Variants in SORCS3 observed in about 807,000 individuals in gnomAD.
SORCS3 encodes VPS10 domain-containing receptor SorCS3.
In SORCS3, 57 loss-of-function variants were observed where a neutral mutation model predicts 146.3. The ratio of observed to expected loss-of-function variants is 0.39; its 90% CI spans 0.31 to 0.49. The LOEUF is 0.49. SORCS3 is among the 20% of genes least tolerant of loss of function. The pLI is 0.92. For synonymous variants in SORCS3, 653 were observed against 618.5 expected, an observed-to-expected ratio of 1.06 and a Z score of -0.83; for missense variants, 1,341 against 1,575.5, an observed-to-expected ratio of 0.85 and a Z score of 2.52.
At position 104,915,835 on chromosome 10, in the gene SORCS3, C is replaced by G; in HGVS notation, c.698C>G (p.Ser233Trp). The change falls in exon 3 of 27, where the codon TCG becomes TGG. Residue 233 changes from serine (S) to tryptophan (W), a missense_variant and splice_region_variant. Transcript: ENST00000369701. The stretch of plus-strand genomic sequence containing the variant: ...TCTGTTTTCTCTTTTACCTGCAGGT[C>G]GACAGATTATGGCACCACCTATGAA... ...GSVTESSLWRSTDYGTTYEKL... is the reference protein window; with the variant it reads ...GSVTESSLWRWTDYGTTYEKL... 10 of 1,613,746 alleles carry G rather than the reference C, an allele frequency of 6.2e-6. No individual in the cohort carries two copies. Among genetic ancestry groups the G allele is most frequent in the Non-Finnish European group, 8.5e-6 (10 of 1,179,760 alleles).
intron 4 of SORCS3, among the ~76,000 whole-genome samples, chr10:105,012,246 T>A (rs900793526): frequency 6.6e-6 from 1 of 152,166 alleles, no homozygotes; most frequent in African/African-American, 2.4e-5. Flanking sequence ...CCCTGGTTCA[T>A]CTGAGTTCTT....
At chr10:104,955,152 T>A (rs967640048) in intron 3 of SORCS3, among the ~76,000 whole-genome samples, 1 of 151,400 alleles carries the variant, frequency 6.6e-6, no homozygotes, top group African/African-American at 2.4e-5. Flanking sequence ...AGAAGCCCTG[T>A]GACCATTAAG....
At chr10:104,892,963 C>T (rs1305864311) in intron 2 of SORCS3, among the ~76,000 whole-genome samples, 2 of 152,140 alleles carry the variant, frequency 1.3e-5, no homozygotes. Context: ...ATTCTCACTG[C>T]AAAGCTCTTT....
At chr10:105,180,400 A>G (rs1039967605) in intron 14 of SORCS3, among the ~76,000 whole-genome samples, 15 of 152,340 alleles carry the variant, frequency 9.8e-5, no homozygotes, top group Middle Eastern at 3.4e-3. Flanking sequence ...AAGGATTGGC[A>G]TGTTGTAGGA....
intron 1 of SORCS3, among the ~76,000 whole-genome samples, chr10:104,674,932 T>C (rs2015897100): frequency 6.6e-6 from 1 of 152,246 alleles, no homozygotes; most frequent in African/African-American, 2.4e-5. Context: ...TTTTTGGCTA[T>C]ATGAACATTC....
At chr10:104,826,201 A>C (rs1226012061) in intron 1 of SORCS3, among the ~76,000 whole-genome samples, 1 of 152,168 alleles carries the variant, frequency 6.6e-6, no homozygotes, top group Non-Finnish European at 1.5e-5. Flanking sequence ...TGTAATACAC[A>C]TCAAGCATCA....
chr10:105,262,883 C>T (rs1457752252), intron 26 of SORCS3, among the ~76,000 whole-genome samples: 1 of 152,192 alleles, frequency 6.6e-6, no homozygotes, highest in African/African-American at 2.4e-5. Context: ...TGTGACCTCT[C>T]TGTGCCTCAA....
chr10:104,679,304 C>A (rs1176444299), intron 1 of SORCS3, among the ~76,000 whole-genome samples: 1 of 152,052 alleles, frequency 6.6e-6, no homozygotes, highest in East Asian at 1.9e-4. Context: ...TTGTAGTGGC[C>A]CAGGTAGACC....
intron 1 of SORCS3, among the ~76,000 whole-genome samples, chr10:104,648,917 A>G (rs1473044374): frequency 1.3e-5 from 2 of 152,192 alleles, no homozygotes; most frequent in Non-Finnish European, 2.9e-5. Flanking sequence ...AGGGACCTGC[A>G]GCAGAGTGGG....
chr10:105,177,375 G>A (rs565615665), intron 13 of SORCS3, among the ~76,000 whole-genome samples: 2 of 152,168 alleles, frequency 1.3e-5, no homozygotes, highest in South Asian at 2.1e-4. Context: ...AAATCAAGGG[G>A]CAGAAAGGTC....
chr10:105,253,552 C>G (rs1397609172), intron 23 of SORCS3, among the ~76,000 whole-genome samples: 22 of 152,190 alleles, frequency 1.4e-4, no homozygotes, highest in Admixed American at 1.3e-3. Flanking sequence ...ATCCTCTATT[C>G]CTCCTGAGGT....
intron 6 of SORCS3, 66 bp from the exon 7 acceptor site, chr10:105,105,331 A>G (rs2055813301): frequency 6.1e-6 from 6 of 983,246 alleles, no homozygotes; most frequent in African/African-American, 3.2e-5. Context: ...AGAGTTTTGT[A>G]TGCTACCTGG....
chr10:104,669,731 C>A (rs941454792), intron 1 of SORCS3, among the ~76,000 whole-genome samples: 1 of 152,136 alleles, frequency 6.6e-6, no homozygotes, highest in Non-Finnish European at 1.5e-5. Flanking sequence ...TCTTTGAGAT[C>A]CTGCTTTCAC....
intron 9 of SORCS3, among the ~76,000 whole-genome samples, chr10:105,148,876 C>A (rs914058552): frequency 1.3e-5 from 2 of 152,046 alleles, no homozygotes; most frequent in African/African-American, 4.8e-5. Context: ...TACCCAAATC[C>A]CATCTGGAAT....
Position 104,842,781 on chromosome 10 carries a change from A to T in SORCS3, c.628-11A>T, listed in dbSNP as rs778978921. 5 of 1,612,664 alleles carry T rather than the reference A, an allele frequency of 3.1e-6. No individual in the cohort carries two copies. The South Asian group carries it at 5.5e-5, about 18-fold the overall frequency. On this transcript the variant is annotated splice_polypyrimidine_tract_variant and intron_variant, in intron 1 of 26. Transcript: ENST00000369701. Reference sequence around the variant, plus strand: ...TTCCTCTCCTTTGCCCTTATCCCCAACCCCTTGCAGGTCATACTTATCCTG... The same window carrying T: ...TTCCTCTCCTTTGCCCTTATCCCCATCCCCTTGCAGGTCATACTTATCCTG...
Position 105,105,414 on chromosome 10 carries a change from T to C in SORCS3, c.1111T>C (p.Cys371Arg). Residue 371 changes from cysteine (C) to arginine (R), a missense_variant, in exon 7 of 27, where the codon TGC (cysteine) becomes CGC (arginine). Cys to Arg is a radical substitution (Grantham distance 180). Transcript: ENST00000369701. Reference protein sequence around the residue: ...TTDGYAHYLTCRIQECAETTR... With the variant: ...TTDGYAHYLTRRIQECAETTR... ...TGTTTCAGATGCTCACTACCTCACCTGCAGGATCCAGGAATGTGCCGAGAC... is the reference window on the plus strand; with the variant it reads ...TGTTTCAGATGCTCACTACCTCACCCGCAGGATCCAGGAATGTGCCGAGAC... The C allele has an allele frequency of 6.2e-7, 1 of 1,613,474 alleles. No homozygotes were observed. Among genetic ancestry groups the C allele is most frequent in the Non-Finnish European group, 8.5e-7 (1 of 1,179,516 alleles).
intron 3 of SORCS3, among the ~76,000 whole-genome samples, chr10:104,973,427 G>A (rs933684058): frequency 2.6e-5 from 4 of 151,778 alleles, no homozygotes; most frequent in Admixed American, 2.6e-4. Flanking sequence ...GTCTTGGGAG[G>A]GTGTATGTGT....
At chr10:105,035,463 A>G (rs913377057) in intron 4 of SORCS3, among the ~76,000 whole-genome samples, 2 of 132,662 alleles carry the variant, frequency 1.5e-5, no homozygotes, top group Non-Finnish European at 3.1e-5. Context: ...CTTCTCACCA[A>G]GTTTTTTTTT....
intron 1 of SORCS3, among the ~76,000 whole-genome samples, chr10:104,757,868 C>A (rs1398168033): frequency 9.1e-4 from 12 of 13,164 alleles, no homozygotes; most frequent in African/African-American, 1.4e-3. Flanking sequence ...CCCCCCCCCC[C>A]ACACCCGCTG....
Sources: gnomAD v4.1 joint callset for allele counts (sites outside exome capture counted in the v4.1 genomes callset) on GRCh38, gnomAD v4.1.1 for gene constraint, MANE v1.5 for transcripts, NCBI Gene and HGNC (gene_info 2026-07-23, HGNC 2026-07-21) for gene names.